Variants in CUX1 observed in about 807,000 individuals in gnomAD.
The protein encoded by CUX1 is cut like homeobox 1.
A neutral mutation model predicts 158.8 loss-of-function variants in CUX1; 31 were observed. The observed-to-expected ratio is 0.20, with a 90% CI of 0.15 to 0.26. The LOEUF is 0.26. CUX1 is among the 10% of genes least tolerant of loss of function. The pLI, the probability that CUX1 is intolerant of heterozygous loss-of-function variation, is 1.00. For synonymous variants in CUX1, 879 were observed against 862.1 expected, an observed-to-expected ratio of 1.02 and a Z score of -0.34; for missense variants, 1,589 against 2,014.6, an observed-to-expected ratio of 0.79 and a Z score of 4.04.
chr7:101,944,550 A>G (rs544310480), intron 2 of CUX1, among the ~76,000 whole-genome samples: 96 of 152,316 alleles, frequency 6.3e-4, no homozygotes, highest in African/African-American at 2.2e-3. Flanking sequence ...CTCACTTCAC[A>G]GATGAGGGAA....
At chr7:102,211,705 G>A (rs574471894) in intron 20 of CUX1, among the ~76,000 whole-genome samples, 2 of 148,814 alleles carry the variant, frequency 1.3e-5, no homozygotes, top group East Asian at 2.0e-4. Flanking sequence ...GCTTGAACCC[G>A]AGAGACCCAG....
At chr7:102,054,892 G>A (rs1039841480) in intron 3 of CUX1, among the ~76,000 whole-genome samples, 5 of 151,922 alleles carry the variant, frequency 3.3e-5, no homozygotes, top group Admixed American at 1.3e-4. Context: ...GATCACTTCA[G>A]CCTGGGAATT....
At chr7:102,148,698 TATATA>T (rs1353944140) in intron 8 of CUX1, among the ~76,000 whole-genome samples, 14 of 148,264 alleles carry the variant, frequency 9.4e-5, no homozygotes, top group African/African-American at 2.7e-4. Flanking sequence ...GTGTTATATA[TATATA>T]ATATATTAAT....
chr7:102,242,217 T>C (rs2132528769), intron 23 of CUX1, among the ~76,000 whole-genome samples: 1 of 145,906 alleles, frequency 6.9e-6, no homozygotes, highest in South Asian at 2.2e-4. Context: ...TTTTTTTTTT[T>C]TTTTTTTTTT....
chr7:102,277,934 C>CCTGG, intron 17 of CUX1: 1 of 846,850 alleles, frequency 1.2e-6, no homozygotes, highest in Non-Finnish European at 1.7e-6. Flanking sequence ...CCTTTCCTTG[C>CCTGG]CCCTCCCCCC....
rs782766381 is a variant in CUX1 at position 102,239,317 on chromosome 7, C to T, written c.3623-3C>T. 2.1e-5 allele frequency: 34 copies of T among 1,597,584 alleles called. No individual in the cohort carries two copies. Among genetic ancestry groups the T allele is most frequent in the Non-Finnish European group, 2.7e-5 (32 of 1,168,434 alleles). On this transcript the variant is annotated splice_polypyrimidine_tract_variant and splice_region_variant and intron_variant, in intron 22 of 23. Coordinates refer to ENST00000292535, the MANE Select transcript of CUX1 (RefSeq NM_181552.4). ...CCTTAGTCTGCCATCTCTTCCTCCG[C>T]AGCCTACATGAAGCGGCGGCACAGC... is the stretch of plus-strand genomic sequence containing the variant.
At chr7:101,962,962 C>G (rs925520608) in intron 2 of CUX1, among the ~76,000 whole-genome samples, 1 of 152,150 alleles carries the variant, frequency 6.6e-6, no homozygotes, top group African/African-American at 2.4e-5. Flanking sequence ...CTCAAGTGAT[C>G]CTCCTCCCAA....
At chr7:102,034,522 A>G (rs1345862365) in intron 3 of CUX1, among the ~76,000 whole-genome samples, 1 of 152,084 alleles carries the variant, frequency 6.6e-6, no homozygotes, top group East Asian at 1.9e-4. Flanking sequence ...TGGGAGGCCG[A>G]GGTGGGCGGA....
intron 10 of CUX1, among the ~76,000 whole-genome samples, chr7:102,175,761 C>T (rs902784568): frequency 3.3e-5 from 5 of 152,164 alleles, no homozygotes; most frequent in Admixed American, 6.5e-5. Flanking sequence ...TGGCCCTGCC[C>T]GGCATTATTC....
chr7:102,275,491 G>A, intron 17 of CUX1: 1 of 695,014 alleles, frequency 1.4e-6, no homozygotes, highest in South Asian at 2.0e-5. Context: ...TGTGCAGTCA[G>A]GGAGGGCTTC....
chr7:102,102,537 G>A (rs1829894355), intron 5 of CUX1, among the ~76,000 whole-genome samples: 1 of 151,894 alleles, frequency 6.6e-6, no homozygotes, highest in African/African-American at 2.4e-5. Flanking sequence ...TGCAGCTCAG[G>A]GAGCAGGAAT....
At chr7:101,838,237 C>G (rs1197476652) in intron 1 of CUX1, among the ~76,000 whole-genome samples, 1 of 151,440 alleles carries the variant, frequency 6.6e-6, no homozygotes, top group Non-Finnish European at 1.5e-5. Flanking sequence ...TTAAGTGATT[C>G]TCTTGCCCCA....
At chr7:101,859,820 C>G (rs554266520) in intron 1 of CUX1, among the ~76,000 whole-genome samples, 17 of 152,032 alleles carry the variant, frequency 1.1e-4, no homozygotes, top group African/African-American at 4.1e-4. Flanking sequence ...CTCTCTCAGT[C>G]CTTTCTTTTT....
chr7:102,222,811 CTTTT>C (rs71123016), intron 20 of CUX1, among the ~76,000 whole-genome samples: 7 of 25,526 alleles, frequency 2.7e-4, no homozygotes, highest in African/African-American at 5.2e-4. Context: ...GGCACCGTAT[CTTTT>C]TTTTTTTTTT....
intron 2 of CUX1, among the ~76,000 whole-genome samples, chr7:101,939,341 T>C (rs751117333): frequency 1.4e-4 from 22 of 152,004 alleles, no homozygotes; most frequent in Non-Finnish European, 2.8e-4. Context: ...TGCCAAGTAG[T>C]ATTCCATTGT....
At chr7:102,267,537 GAAAT>G (rs1790899721) in intron 14 of CUX1, among the ~76,000 whole-genome samples, 1 of 152,002 alleles carries the variant, frequency 6.6e-6, no homozygotes, top group African/African-American at 2.4e-5. Flanking sequence ...CGTCTCAAAA[GAAAT>G]AAAAAATAAA....
At chr7:101,917,645 C>T (rs935921839) in intron 2 of CUX1, among the ~76,000 whole-genome samples, 4 of 152,292 alleles carry the variant, frequency 2.6e-5, no homozygotes, top group South Asian at 2.1e-4. Context: ...TTGCCTCCAG[C>T]GGCTTCAGAG....
intron 14 of CUX1, among the ~76,000 whole-genome samples, chr7:102,263,297 G>C (rs868934954): frequency 6.9e-6 from 1 of 145,974 alleles, no homozygotes; most frequent in Non-Finnish European, 1.5e-5. Flanking sequence ...TTACAGGTAC[G>C]AGCCACCACA....
In CUX1 at chr7:102,193,251, T is replaced by C. The variant is rs76199514; in HGVS notation, c.1077-591T>C. Among the ~76,000 whole-genome samples the C allele has an allele frequency of 8.6e-3, 1,306 of 152,332 alleles. 11 individuals carry two copies. Among genetic ancestry groups the C allele is most frequent in the African/African-American group, 0.03 (1,249 of 41,578 alleles). On this transcript the variant is annotated intron_variant, in intron 12 of 23. Coordinates refer to ENST00000292535, the MANE Select transcript of CUX1 (RefSeq NM_181552.4). The stretch of plus-strand genomic sequence containing the variant: ...TTTCCTTCCCTTTAAGCTTTACAAA[T>C]ACATTCCACTTGCAACAATGTTATG...
Sources: allele counts gnomAD v4.1 joint callset (sites outside exome capture counted in the v4.1 genomes callset), GRCh38; gene constraint gnomAD v4.1.1; transcripts MANE v1.5; gene names NCBI Gene and HGNC (gene_info 2026-07-23, HGNC 2026-07-21).